The following DUSP7 variants were observed in gnomAD, a reference collection of about 807,000 sequenced individuals.
The protein encoded by DUSP7 is dual specificity protein phosphatase 7.
DUSP7 carries 7 observed loss-of-function variants against 29.8 expected under a neutral mutation model. That is an observed-to-expected ratio of 0.24 (90% confidence interval 0.13 to 0.44). The LOEUF (loss-of-function observed/expected upper bound fraction) is 0.44. Ranked by LOEUF, DUSP7 falls within the 20% of genes least tolerant of loss-of-function variation. The probability of loss-of-function intolerance (pLI) is 1.00; values close to 1 mark genes in which losing one functional copy is unlikely to be tolerated. For synonymous variants in DUSP7, 287 were observed against 275.4 expected (o/e 1.04, Z -0.42); for missense variants, 400 against 583.7 (o/e 0.69, Z 3.24).
chr3:52,052,179 C>T (rs1280518188), intron 2 of DUSP7: 2 of 152,396 alleles, frequency 1.3e-5, no homozygotes, highest in African/African-American at 4.8e-5. Context: ...CATAGATTCA[C>T]AAGAGGCAGC....
In DUSP7 at chr3:52,050,675, G is replaced by A. The variant is rs1260291320; in HGVS notation, c.*140C>T. On this transcript the variant is annotated 3_prime_UTR_variant, in exon 3 of 3. Transcript: ENST00000495880. This position sits in a 1 kb window ranked among gnomAD's most constrained non-coding sequence, Gnocchi z 5.0. ...CCCCAAGGATGGTGAGGGGCGCTCC[G>A]ACACCGATCAGCCTGGGCCTCTGGG... is the stretch of plus-strand genomic sequence containing the variant. 2.0e-5 allele frequency: 21 copies of A among 1,026,544 alleles called. No individual in the cohort carries two copies. Among genetic ancestry groups the A allele is most frequent in the Middle Eastern group, 3.0e-4 (1 of 3,342 alleles). 63.6% of individuals were successfully genotyped at this position (1,026,544 alleles called of 1,614,324 possible).
rs1701846013 is a variant in DUSP7, at chr3:52,051,431, A to G, written c.953-309T>C. 6.6e-6 allele frequency among the ~76,000 whole-genome samples: 1 copy of G among 152,244 alleles called. No individual in the cohort carries two copies. Among genetic ancestry groups the G allele is most frequent in the African/African-American group, 2.4e-5 (1 of 41,460 alleles). ...AAGGACCTGAGCCAAGTGAGGGGTCAACAAACATGAACTACTGTAATGCCT... is the reference window on the plus strand; with the variant it reads ...AAGGACCTGAGCCAAGTGAGGGGTCGACAAACATGAACTACTGTAATGCCT... On this transcript the variant is annotated intron_variant, in intron 2 of 2. Transcript: ENST00000495880. The surrounding 1 kb of genome is among the most constrained non-coding windows in gnomAD (Gnocchi z 4.8).
rs201725829 is a variant in DUSP7 at position 52,053,974 on chromosome 3, G to A, written c.918C>T (p.Leu306=). ...IPISDHWSQN[L]SQFFPEAISF... Reference sequence around the variant, plus strand: ...TGATGGCCTCAGGGAAGAACTGGGAGAGGTTCTGGCTCCAGTGGTCAGAGA... The same window carrying A: ...TGATGGCCTCAGGGAAGAACTGGGAAAGGTTCTGGCTCCAGTGGTCAGAGA... The change falls in exon 2 of 3, where the codon CTC becomes CTT. Residue 306 remains leucine (L), a synonymous_variant. Coordinates refer to ENST00000495880, the MANE Select transcript of DUSP7 (RefSeq NM_001947.4). The surrounding 1 kb of genome is among the most constrained non-coding windows in gnomAD (Gnocchi z 4.6). 6.2e-7 allele frequency: 1 copy of A among 1,614,124 alleles called. No individual in the cohort carries two copies. Among genetic ancestry groups the A allele is most frequent in the African/African-American group, 1.3e-5 (1 of 74,940 alleles).
rs1160724780 is a variant in DUSP7 at position 52,053,681 on chromosome 3, A to G, written c.952+259T>C. On this transcript the variant is annotated intron_variant, in intron 2 of 2. Transcript: ENST00000495880. This position sits in a 1 kb window ranked among gnomAD's most constrained non-coding sequence, Gnocchi z 4.6. ...TAAGCCAGGAAAACACAAGCTGGAC[A>G]GCAGAGAGCCCATGACGTGCTGTCA... is the stretch of plus-strand genomic sequence containing the variant. The G allele has an allele frequency of 3.7e-6, 2 of 536,142 alleles. No homozygotes were observed. Among genetic ancestry groups the G allele is most frequent in the African/African-American group, 3.8e-5 (2 of 52,744 alleles). The allele number at this position is 536,142 out of a possible 1,614,324, so 33.2% of individuals were successfully genotyped here.
Position 52,054,249 on chromosome 3 carries a change from C to G in DUSP7, c.643G>C (p.Asp215His). 1 of 1,609,080 alleles carries G rather than the reference C, an allele frequency of 6.2e-7. No individual in the cohort carries two copies. Among genetic ancestry groups the G allele is most frequent in the African/African-American group, 1.3e-5 (1 of 74,960 alleles). Residue 215 changes from aspartate (D) to histidine (H), a missense_variant, in exon 2 of 3, where the codon GAC becomes CAC. Around this residue, in one of 4 missense-constraint regions of DUSP7, gnomAD observed 223 missense variants for 360.9 expected, o/e 0.62. Coordinates refer to ENST00000495880, the MANE Select transcript of DUSP7 (RefSeq NM_001947.4). This position sits in a 1 kb window ranked among gnomAD's most constrained non-coding sequence, Gnocchi z 4.1. ...CGGTCCGACTCGCCGTCGGAGCAGTCAGAGCTGATGCGCAGGCCCCCCAGG... is the reference window on the plus strand; with the variant it reads ...CGGTCCGACTCGCCGTCGGAGCAGTGAGAGCTGATGCGCAGGCCCCCCAGG... The part of the protein sequence containing the change: ...LGLGGLRISS[D>H]CSDGESDREL...
At position 52,053,868 on chromosome 3, in the gene DUSP7, C is replaced by A. The variant is rs757277040; in HGVS notation, c.952+72G>T. The A allele has an allele frequency of 6.4e-7, 1 of 1,557,506 alleles. No homozygotes were observed. The highest frequency in any genetic ancestry group is 8.8e-7 in the Non-Finnish European group (1 of 1,132,346). On this transcript the variant is annotated intron_variant, in intron 2 of 2. Transcript: ENST00000495880. The surrounding 1 kb of genome is among the most constrained non-coding windows in gnomAD (Gnocchi z 4.6). ...ACAGGCCCAGAGGTACCCAGTCAGG[C>A]GGGGGCGCCACCCAGAGTCCTGCAT...
At chr3:52,052,887 G>A (rs920320308) in intron 2 of DUSP7, 6 of 152,488 alleles carry the variant, frequency 3.9e-5, no homozygotes, top group Non-Finnish European at 8.8e-5. Context: ...GTGGTGGGCA[G>A]GGCTGAGAAG....
At position 52,053,494 on chromosome 3, in the gene DUSP7, G is replaced by T; in HGVS notation, c.952+446C>A. ...TTTGGGGTGTGCCTCTGGCTCCAGG[G>T]CTACCTTTCAGCCCTCTTAGGTCCA... On this transcript the variant is annotated intron_variant, in intron 2 of 2. Coordinates refer to ENST00000495880, the MANE Select transcript of DUSP7 (RefSeq NM_001947.4). The surrounding 1 kb of genome is among the most constrained non-coding windows in gnomAD (Gnocchi z 4.6). 1 of 204,916 alleles carries T rather than the reference G, an allele frequency of 4.9e-6. No individual in the cohort carries two copies. Among genetic ancestry groups the T allele is most frequent in the Non-Finnish European group, 1.0e-5 (1 of 99,362 alleles). The allele number at this position is 204,916 out of a possible 1,614,324, so 12.7% of individuals were successfully genotyped here.
chr3:52,052,582 C>T (rs1701857848), intron 2 of DUSP7: 1 of 152,366 alleles, frequency 6.6e-6, no homozygotes, highest in Non-Finnish European at 1.5e-5. Context: ...AACCCACCTC[C>T]AGGTGATCCA....
rs942185546 is a variant in DUSP7, at chr3:52,056,511, T to G, written c.-145A>C. 2.8e-5 allele frequency: 7 copies of G among 249,654 alleles called. No homozygotes were observed. In the Admixed American group the frequency reaches 4.1e-4, roughly 15 times the overall value. The allele number at this position is 249,654 out of a possible 1,614,324, so 15.5% of individuals were successfully genotyped here. ...GCCCCGGCCTCCCGGCCTCCCGGCC[T>G]CCGTCCCGCCCGCCCGCCCGGCCCT... On this transcript the variant is annotated 5_prime_UTR_variant, in exon 1 of 3. Transcript: ENST00000495880. This position sits in a 1 kb window ranked among gnomAD's most constrained non-coding sequence, Gnocchi z 6.4.
At position 52,056,010 on chromosome 3, in the gene DUSP7, G is replaced by C; in HGVS notation, c.357C>G (p.Ala119=). 1 of 1,589,412 alleles carries C rather than the reference G, an allele frequency of 6.3e-7. No homozygotes were observed. The highest frequency in any genetic ancestry group is 8.6e-7 in the Non-Finnish European group (1 of 1,168,250). The stretch of plus-strand genomic sequence containing the variant: ...AGCGCGTGGCGAAGCGCTCCTTGTC[G>C]GCGTGGTTGGGGATGATGGAGCGGA... ...LPIRSIIPNH[A]DKERFATRCK... is the part of the protein sequence containing the mutation. The change falls in exon 1 of 3, where the codon GCC becomes GCG. Residue 119 remains alanine (A), a synonymous_variant. Transcript: ENST00000495880. This position sits in a 1 kb window ranked among gnomAD's most constrained non-coding sequence, Gnocchi z 6.4.
chr3:52,050,341 T>G lies in DUSP7; in HGVS notation c.*474A>C, dbSNP rs1037769310. The G allele has an allele frequency of 6.5e-6, 1 of 153,068 alleles. No individual in the cohort carries two copies. The highest frequency in any genetic ancestry group is 1.4e-5 in the Non-Finnish European group (1 of 69,106). 9.5% of individuals were successfully genotyped at this position (153,068 alleles called of 1,614,324 possible). A position where few individuals can be genotyped will look rare whatever the true frequency, so the allele number is the denominator to read the frequency against. ...ATCAGGAAAGGGATGAAATACTGGG[T>G]TATACAATCCACTGTTGCATGTAGC... On this transcript the variant is annotated 3_prime_UTR_variant, in exon 3 of 3. Coordinates refer to ENST00000495880, the MANE Select transcript of DUSP7 (RefSeq NM_001947.4). The surrounding 1 kb of genome is among the most constrained non-coding windows in gnomAD (Gnocchi z 5.0).
rs541808196 is a variant in DUSP7 at position 52,056,515 on chromosome 3, T to TCCCG, written c.-153_-150dup. The TCCCG allele has an allele frequency of 7.4e-3, 1,692 of 230,126 alleles. 17 individuals carry two copies. Among genetic ancestry groups the TCCCG allele is most frequent in the African/African-American group, 0.031 (1,294 of 41,584 alleles). 14.3% of individuals were successfully genotyped at this position (230,126 alleles called of 1,614,324 possible). A position where few individuals can be genotyped will look rare whatever the true frequency, so the allele number is the denominator to read the frequency against. The stretch of plus-strand genomic sequence containing the variant: ...CGGCCTCCCGGCCTCCCGGCCTCCG[T>TCCCG]CCCGCCCGCCCGCCCGGCCCTCCGC... On this transcript the variant is annotated 5_prime_UTR_variant, in exon 1 of 3. Coordinates refer to ENST00000495880, the MANE Select transcript of DUSP7 (RefSeq NM_001947.4). The surrounding 1 kb of genome is among the most constrained non-coding windows in gnomAD (Gnocchi z 6.4).
In DUSP7 at chr3:52,056,515, TCCCG is replaced by T. The variant is rs541808196; in HGVS notation, c.-153_-150del. The T allele has an allele frequency of 9.1e-5, 21 of 230,102 alleles. No homozygotes were observed. The highest frequency in any genetic ancestry group is 1.5e-4 in the South Asian group (1 of 6,810). 14.3% of individuals were successfully genotyped at this position (230,102 alleles called of 1,614,324 possible). On this transcript the variant is annotated 5_prime_UTR_variant, in exon 1 of 3. Coordinates refer to ENST00000495880, the MANE Select transcript of DUSP7 (RefSeq NM_001947.4). The surrounding 1 kb of genome is among the most constrained non-coding windows in gnomAD (Gnocchi z 6.4). ...CGGCCTCCCGGCCTCCCGGCCTCCGTCCCGCCCGCCCGCCCGGCCCTCCGCGCGC... is the reference window on the plus strand; with the variant it reads ...CGGCCTCCCGGCCTCCCGGCCTCCGTCCCGCCCGCCCGGCCCTCCGCGCGC...
chr3:52,051,200 G>A lies in DUSP7; in HGVS notation c.953-78C>T. The A allele has an allele frequency of 4.0e-6, 6 of 1,487,658 alleles. No individual in the cohort carries two copies. The highest frequency in any genetic ancestry group is 5.4e-6 in the Non-Finnish European group (6 of 1,107,096). The allele number at this position is 1,487,658 out of a possible 1,614,324, so 92.2% of individuals were successfully genotyped here. A position where few individuals can be genotyped will look rare whatever the true frequency, so the allele number is the denominator to read the frequency against. On this transcript the variant is annotated intron_variant, in intron 2 of 2. Transcript: ENST00000495880. The surrounding 1 kb of genome is among the most constrained non-coding windows in gnomAD (Gnocchi z 4.8). ...ACATGGGTGGGCAGGTGGGGCTGGG[G>A]CACAGAGGGCAGCATGGTGGCTGGC...
At position 52,050,629 on chromosome 3, in the gene DUSP7, G is replaced by C. The variant is rs1437438607; in HGVS notation, c.*186C>G. On this transcript the variant is annotated 3_prime_UTR_variant, in exon 3 of 3. Transcript: ENST00000495880. This position sits in a 1 kb window ranked among gnomAD's most constrained non-coding sequence, Gnocchi z 5.0. ...CTCTCCAGCAAGCCCTGCAGTGGGA[G>C]ACCTTGCCTGCGGGCCCTGCCCCCA... is the stretch of plus-strand genomic sequence containing the variant. 1 of 697,216 alleles carries C rather than the reference G, an allele frequency of 1.4e-6. No homozygotes were observed. Among genetic ancestry groups the C allele is most frequent in the Non-Finnish European group, 2.3e-6 (1 of 432,536 alleles). 43.2% of individuals were successfully genotyped at this position (697,216 alleles called of 1,614,324 possible).
At position 52,053,906 on chromosome 3, in the gene DUSP7, A is replaced by G; in HGVS notation, c.952+34T>C. 6.2e-7 allele frequency: 1 copy of G among 1,613,046 alleles called. No individual in the cohort carries two copies. ...CAGAGTCCTGCATACACCTTGATGC[A>G]CCCACACCCCCCTGCCCAGCACACA... is the stretch of plus-strand genomic sequence containing the variant. On this transcript the variant is annotated intron_variant, in intron 2 of 2. Coordinates refer to ENST00000495880, the MANE Select transcript of DUSP7 (RefSeq NM_001947.4). This position sits in a 1 kb window ranked among gnomAD's most constrained non-coding sequence, Gnocchi z 4.6.
At chr3:52,055,757 C>A in intron 1 of DUSP7, 93 bp downstream of exon 1, 2 of 1,397,670 alleles carry the variant, frequency 1.4e-6, no homozygotes, top group Non-Finnish European at 1.9e-6. Context: ...GAGGGGCAGG[C>A]CGAGCGCGTG....
At chr3:52,055,136 C>A (rs1036293795) in intron 1 of DUSP7, among the ~76,000 whole-genome samples, 1 of 152,310 alleles carries the variant, frequency 6.6e-6, no homozygotes, top group Non-Finnish European at 1.5e-5. Context: ...CCGAGGGTGC[C>A]GCAGGCCTCC....
Sources: allele counts gnomAD v4.1 joint callset (sites outside exome capture counted in the v4.1 genomes callset), GRCh38; gene constraint gnomAD v4.1.1; regional missense constraint gnomAD v4.1.1; non-coding constraint Gnocchi (gnomAD v3.1); transcripts MANE v1.5; gene names NCBI Gene and HGNC (gene_info 2026-07-23, HGNC 2026-07-21).